Variants in LHPP observed in about 807,000 individuals in gnomAD.
LHPP encodes the protein hLHPP.
A neutral mutation model predicts 30.3 loss-of-function variants in LHPP; 24 were observed. The ratio of observed to expected loss-of-function variants is 0.79; its 90% CI spans 0.57 to 1.11. The LOEUF is 1.11. Ranked by LOEUF, LHPP falls within the 50% of genes most tolerant of loss-of-function variation. The pLI is 0.00. For missense variants in LHPP, 356 were observed against 367.2 expected (o/e 0.97, Z 0.25); for synonymous variants, 150 against 157.1 (o/e 0.95, Z 0.34).
chr10:124,554,124 C>T (rs1036827340), intron 6 of LHPP: 8 of 934,006 alleles, frequency 8.6e-6, no homozygotes, highest in Non-Finnish European at 8.9e-6. Context: ...ACAGCTGGGA[C>T]GACCTGGGCC....
At chr10:124,532,830 G>A (rs1954931984) in intron 6 of LHPP, among the ~76,000 whole-genome samples, 1 of 152,166 alleles carries the variant, frequency 6.6e-6, no homozygotes, top group Admixed American at 6.5e-5. Context: ...TGTCCCTATG[G>A]CCCCTATGGA....
At chr10:124,601,360 T>C (rs774857320) in intron 6 of LHPP, among the ~76,000 whole-genome samples, 1 of 152,206 alleles carries the variant, frequency 6.6e-6, no homozygotes, top group Non-Finnish European at 1.5e-5. Context: ...TTCCAGCTCC[T>C]AGGTTTGAAA....
At chr10:124,556,968 A>C (rs892210187) in intron 6 of LHPP, among the ~76,000 whole-genome samples, 1 of 152,060 alleles carries the variant, frequency 6.6e-6, no homozygotes, top group Non-Finnish European at 1.5e-5. Flanking sequence ...TTGTTCTCTA[A>C]CCAATCAGAG....
At chr10:124,588,379 G>A (rs1281114354) in intron 6 of LHPP, among the ~76,000 whole-genome samples, 1 of 151,526 alleles carries the variant, frequency 6.6e-6, no homozygotes, top group East Asian at 1.9e-4. Context: ...GCATTCTCCA[G>A]TTCAAGTGAT....
At chr10:124,555,344 TGGG>T (rs1031824595) in intron 6 of LHPP, among the ~76,000 whole-genome samples, 6 of 152,108 alleles carry the variant, frequency 3.9e-5, no homozygotes, top group Non-Finnish European at 8.8e-5. Flanking sequence ...TAGAGTGAGA[TGGG>T]GGCTCTACAA....
At chr10:124,534,306 C>T (rs1364537073) in intron 6 of LHPP, among the ~76,000 whole-genome samples, 1 of 152,256 alleles carries the variant, frequency 6.6e-6, no homozygotes, top group Non-Finnish European at 1.5e-5. Flanking sequence ...GATTGTCTTT[C>T]TCTACCGCAG....
chr10:124,520,437 T>C (rs10901746), intron 6 of LHPP, among the ~76,000 whole-genome samples: 28,955 of 151,986 alleles, frequency 0.19, 4,215 homozygotes, highest in African/African-American at 0.39. Context: ...CGGCCACTAC[T>C]GTCCATATCC....
intron 5 of LHPP, among the ~76,000 whole-genome samples, chr10:124,503,548 T>A (rs1460543835): frequency 6.6e-6 from 1 of 152,040 alleles, no homozygotes; most frequent in African/African-American, 2.4e-5. Context: ...GAATTCATTT[T>A]CATTTTGATG....
intron 5 of LHPP, among the ~76,000 whole-genome samples, chr10:124,515,310 C>G (rs914691875): frequency 6.6e-6 from 1 of 152,146 alleles, no homozygotes; most frequent in Admixed American, 6.6e-5. Context: ...ATTTTGATCC[C>G]TGACATTGTA....
chr10:124,549,093 G>A (rs1226251941), intron 6 of LHPP, among the ~76,000 whole-genome samples: 1 of 152,204 alleles, frequency 6.6e-6, no homozygotes, highest in African/African-American at 2.4e-5. Flanking sequence ...AATCTAATTA[G>A]ATTTTTCCCA....
chr10:124,471,864 C>A lies in LHPP; in HGVS notation c.125+9877C>A, dbSNP rs181407492. ...GCCCAGGCTGGTCTCAAACTCCTGGCCTCAAGGAGTCCTCCTGCCTCAGCC... is the reference window on the plus strand; with the variant it reads ...GCCCAGGCTGGTCTCAAACTCCTGGACTCAAGGAGTCCTCCTGCCTCAGCC... On this transcript the variant is annotated intron_variant, in intron 1 of 6. Coordinates refer to ENST00000368842, the MANE Select transcript of LHPP (RefSeq NM_022126.4). Among the ~76,000 whole-genome samples, 12 of 148,780 alleles carry A rather than the reference C, an allele frequency of 8.1e-5. No individual in the cohort carries two copies. The South Asian group carries it at 1.3e-3, about 16-fold the overall frequency.
intron 6 of LHPP, among the ~76,000 whole-genome samples, chr10:124,538,474 C>G (rs1955094963): frequency 6.6e-6 from 1 of 152,204 alleles, no homozygotes; most frequent in African/African-American, 2.4e-5. Flanking sequence ...GCTGTTTGTT[C>G]TGAGCTGTTC....
At chr10:124,526,192 T>C (rs1019873611) in intron 6 of LHPP, 1 of 985,236 alleles carries the variant, frequency 1.0e-6, no homozygotes, top group African/African-American at 1.7e-5. Flanking sequence ...CTGGACCTGG[T>C]GCTCACACGT....
At position 124,596,421 on chromosome 10, in the gene LHPP, C is replaced by T. The variant is rs988385401; in HGVS notation, c.717-16843C>T. Among the ~76,000 whole-genome samples the T allele has an allele frequency of 5.9e-5, 9 of 152,146 alleles. No individual in the cohort carries two copies. The highest frequency in any genetic ancestry group is 4.6e-4 in the Admixed American group (7 of 15,278). ...TGTCTTCTGCAGCACACGATGTGGC[C>T]GGACCTCTCCACGCTGGCCATTCAG... On this transcript the variant is annotated intron_variant, in intron 6 of 6. Transcript: ENST00000368842. This position sits in a 1 kb window ranked among gnomAD's most constrained non-coding sequence, Gnocchi z 4.6.
intron 6 of LHPP, among the ~76,000 whole-genome samples, chr10:124,574,516 G>A (rs4962383): frequency 0.21 from 31,675 of 152,198 alleles, 3,543 homozygotes; most frequent in East Asian, 0.37. Context: ...GGGGGCTGCA[G>A]AGCTTCAGAC....
chr10:124,498,287 A>G (rs1191789247), intron 5 of LHPP, 159 bp downstream of exon 5: 1 of 1,568,658 alleles, frequency 6.4e-7, no homozygotes, highest in South Asian at 1.1e-5. Flanking sequence ...AGGAGGGGGA[A>G]GACAGCAAAC....
intron 1 of LHPP, among the ~76,000 whole-genome samples, chr10:124,462,399 A>G (rs1238053172): frequency 6.6e-6 from 1 of 152,018 alleles, no homozygotes; most frequent in Non-Finnish European, 1.5e-5. Flanking sequence ...GTTGGAGACC[A>G]CCCTGGGCAA....
intron 1 of LHPP, among the ~76,000 whole-genome samples, chr10:124,463,810 AT>A (rs1189361144): frequency 4.9e-5 from 6 of 123,336 alleles, no homozygotes; most frequent in Admixed American, 1.8e-4. Context: ...ACCTGGCCTA[AT>A]TTTTTTTTCT....
At chr10:124,579,656 G>A (rs577550627) in intron 6 of LHPP, among the ~76,000 whole-genome samples, 70 of 152,152 alleles carry the variant, frequency 4.6e-4, no homozygotes, top group Non-Finnish European at 6.0e-4. Flanking sequence ...TGGTCACCTT[G>A]GGGAGTTTGT....
Sources: gnomAD v4.1 joint callset for allele counts (sites outside exome capture counted in the v4.1 genomes callset) on GRCh38, gnomAD v4.1.1 for gene constraint, Gnocchi (gnomAD v3.1) non-coding constraint, MANE v1.5 for transcripts, NCBI Gene and HGNC (gene_info 2026-07-23, HGNC 2026-07-21) for gene names.